The following ZDHHC17 variants were observed in gnomAD, a reference collection of about 807,000 sequenced individuals.
The protein encoded by ZDHHC17 is zDHHC palmitoyltransferase 17.
ZDHHC17 carries 40 observed loss-of-function variants against 90.3 expected under a neutral mutation model. That is an observed-to-expected ratio of 0.44 (90% CI 0.34 to 0.58). The LOEUF is 0.58. Ranked by LOEUF, ZDHHC17 falls within the 20% of genes least tolerant of loss-of-function variation. ZDHHC17 has a pLI of 0.01. For missense variants in ZDHHC17, 614 were observed against 780.8 expected, an observed-to-expected ratio of 0.79 and a Z score of 2.55; for synonymous variants, 235 against 252.4, an observed-to-expected ratio of 0.93 and a Z score of 0.65.
At chr12:76,764,725 C>T (rs1952411431) in intron 1 of ZDHHC17, 3 of 472,424 alleles carry the variant, frequency 6.4e-6, no homozygotes, top group South Asian at 4.6e-5. Context: ...ATTTCTTTTT[C>T]CTTCGCCAGG....
At chr12:76,836,786 G>A (rs1053122325) in intron 10 of ZDHHC17, among the ~76,000 whole-genome samples, 8 of 152,084 alleles carry the variant, frequency 5.3e-5, no homozygotes, top group African/African-American at 1.7e-4. Flanking sequence ...ATCTTCTACC[G>A]TGTTGCTATA....
chr12:76,771,424 T>C (rs1228527298), intron 1 of ZDHHC17, among the ~76,000 whole-genome samples: 2 of 152,200 alleles, frequency 1.3e-5, no homozygotes. Flanking sequence ...ATAGAATCTT[T>C]CTTTGATAAA....
At chr12:76,775,300 G>C (rs1457447174) in intron 1 of ZDHHC17, among the ~76,000 whole-genome samples, 1 of 152,038 alleles carries the variant, frequency 6.6e-6, no homozygotes, top group Admixed American at 6.6e-5. Flanking sequence ...CTTGGAGAAG[G>C]AAATCCTAGA....
At chr12:76,824,878 A>G (rs912331295) in intron 8 of ZDHHC17, among the ~76,000 whole-genome samples, 3 of 152,040 alleles carry the variant, frequency 2.0e-5, no homozygotes, top group Admixed American at 1.3e-4. Flanking sequence ...ATATTTTTAG[A>G]AAACAATTTA....
chr12:76,852,960 A>G lies in ZDHHC17; in HGVS notation c.*1975A>G, dbSNP rs1165645840. On this transcript the variant is annotated 3_prime_UTR_variant, in exon 17 of 17. Transcript: ENST00000426126. The stretch of plus-strand genomic sequence containing the variant: ...GCTAGAATTTGTTTTAATTTTTTGT[A>G]TTTTGAGCCACTTCACATGAAGACT... The G allele has an allele frequency of 6.6e-6, 1 of 152,528 alleles. No individual in the cohort carries two copies. The highest frequency in any genetic ancestry group is 1.5e-5 in the Non-Finnish European group (1 of 67,998). 9.4% of individuals were successfully genotyped at this position (152,528 alleles called of 1,614,324 possible). A position where few individuals can be genotyped will look rare whatever the true frequency, so the allele number is the denominator to read the frequency against.
chr12:76,831,997 A>G (rs1953307730), intron 10 of ZDHHC17, among the ~76,000 whole-genome samples: 1 of 152,144 alleles, frequency 6.6e-6, no homozygotes, highest in Non-Finnish European at 1.5e-5. Flanking sequence ...GGAATATGTG[A>G]TGAAATCACT....
intron 8 of ZDHHC17, among the ~76,000 whole-genome samples, chr12:76,825,589 T>C (rs978747939): frequency 1.3e-5 from 2 of 152,126 alleles, no homozygotes; most frequent in East Asian, 1.9e-4. Flanking sequence ...CTGAAATTGA[T>C]GTTTAATTAT....
Position 76,776,443 on chromosome 12 carries a change from A to G in ZDHHC17, c.93+12114A>G, listed in dbSNP as rs140595957. 3.8e-3 allele frequency among the ~76,000 whole-genome samples: 584 copies of G among 152,296 alleles called. 5 individuals carry two copies. The highest frequency in any genetic ancestry group is 0.013 in the African/African-American group (532 of 41,572). ...CTTTAAAGTACACTCAGAATTTTCT[A>G]TGCTTGTACATTTAAATATATATTT... On this transcript the variant is annotated intron_variant, in intron 1 of 16. Coordinates refer to ENST00000426126, the MANE Select transcript of ZDHHC17 (RefSeq NM_015336.4).
chr12:76,821,553 A>G (rs1953162747), intron 7 of ZDHHC17, among the ~76,000 whole-genome samples: 1 of 152,166 alleles, frequency 6.6e-6, no homozygotes, highest in South Asian at 2.1e-4. Context: ...AATTTTGAAT[A>G]TTCATCTTTA....
In ZDHHC17 at chr12:76,764,464, C is replaced by T. The variant is rs921323160; in HGVS notation, c.93+135C>T. On this transcript the variant is annotated intron_variant, in intron 1 of 16. Transcript: ENST00000426126. Reference sequence around the variant, plus strand: ...GTTGGGGAGGGTGGGGAGGCGAATCCAGGCCTGAGCGCGGCTGCGAGCGGA... The same window carrying T: ...GTTGGGGAGGGTGGGGAGGCGAATCTAGGCCTGAGCGCGGCTGCGAGCGGA... 1.7e-5 allele frequency: 14 copies of T among 807,862 alleles called. No homozygotes were observed. The African/African-American group carries it at 1.9e-4, about 11-fold the overall frequency. The allele number at this position is 807,862 out of a possible 1,614,324, so 50.0% of individuals were successfully genotyped here.
chr12:76,801,481 G>A (rs1192281712), intron 2 of ZDHHC17, among the ~76,000 whole-genome samples: 14 of 151,432 alleles, frequency 9.2e-5, no homozygotes, highest in African/African-American at 3.1e-4. Context: ...GTGAAACCCC[G>A]TCTCTACTGA....
intron 10 of ZDHHC17, among the ~76,000 whole-genome samples, chr12:76,835,918 A>C (rs540459684): frequency 2.1e-5 from 3 of 144,964 alleles, no homozygotes; most frequent in East Asian, 2.0e-4. Context: ...CTCCCTCTAC[A>C]CCCCCTTTTT....
intron 10 of ZDHHC17, among the ~76,000 whole-genome samples, chr12:76,841,781 C>T (rs934357530): frequency 3.3e-5 from 5 of 151,972 alleles, no homozygotes; most frequent in Non-Finnish European, 7.4e-5. Flanking sequence ...TATTCACTAA[C>T]TTTTAAAGTG....
chr12:76,789,814 T>C (rs1360079893), intron 1 of ZDHHC17, among the ~76,000 whole-genome samples: 2 of 152,104 alleles, frequency 1.3e-5, no homozygotes, highest in African/African-American at 2.4e-5. Context: ...AGGGTCATAC[T>C]ACAAAATACC....
intron 1 of ZDHHC17, among the ~76,000 whole-genome samples, chr12:76,767,381 C>T (rs1255792172): frequency 6.6e-6 from 1 of 152,166 alleles, no homozygotes; most frequent in African/African-American, 2.4e-5. Flanking sequence ...GCTTAAATCT[C>T]TTATTAGTAT....
chr12:76,783,033 G>A (rs1220698970), intron 1 of ZDHHC17, among the ~76,000 whole-genome samples: 1 of 152,274 alleles, frequency 6.6e-6, no homozygotes, highest in South Asian at 2.1e-4. Context: ...AAATGGCAAG[G>A]GTTGACGTTG....
intron 1 of ZDHHC17, 146 bp from the exon 2 acceptor site, chr12:76,797,288 G>C: frequency 4.3e-6 from 2 of 465,078 alleles, no homozygotes; most frequent in South Asian, 4.5e-5. Flanking sequence ...TAAAATAAAA[G>C]AGTATAGACT....
At chr12:76,846,798 C>T (rs1171208579) in intron 14 of ZDHHC17, 119 bp downstream of exon 14, 1 of 831,288 alleles carries the variant, frequency 1.2e-6, no homozygotes, top group Non-Finnish European at 1.9e-6. Flanking sequence ...ATGGTTTGGA[C>T]ACCTTATGAA....
chr12:76,789,479 A>G (rs183103264), intron 1 of ZDHHC17, among the ~76,000 whole-genome samples: 184 of 152,324 alleles, frequency 1.2e-3, no homozygotes, highest in African/African-American at 3.9e-3. Context: ...AGCAACTGGG[A>G]AATGTTTCAG....
Sources: allele counts gnomAD v4.1 joint callset (sites outside exome capture counted in the v4.1 genomes callset), GRCh38; gene constraint gnomAD v4.1.1; transcripts MANE v1.5; gene names NCBI Gene and HGNC (gene_info 2026-07-23, HGNC 2026-07-21).